Variants in PRR5 observed in about 807,000 individuals in gnomAD.
The protein encoded by PRR5 is proline-rich protein 5.
PRR5 carries 25 observed loss-of-function variants against 30.6 expected under a neutral mutation model. That is an observed-to-expected ratio of 0.82 (90% CI 0.60 to 1.14). The LOEUF (loss-of-function observed/expected upper bound fraction) is 1.14, where lower values mean the gene tolerates loss of function less well. Among genes scored for constraint, PRR5 ranks in the 50% most tolerant of loss-of-function variants. The probability of loss-of-function intolerance (pLI) is 0.00; values close to 1 mark genes in which losing one functional copy is unlikely to be tolerated. For synonymous variants in PRR5, 286 were observed against 247.1 expected (o/e 1.16, Z -1.48); for missense variants, 600 against 547.1 (o/e 1.10, Z -0.96).
upstream of PRR5, among the ~76,000 whole-genome samples, chr22:44,701,216 C>A (rs80037265): frequency 0.014 from 2,165 of 152,306 alleles, 22 homozygotes; most frequent in East Asian, 0.041. Flanking sequence ...GCTCCTGGAG[C>A]TGTGGCTGTC....
upstream of PRR5, among the ~76,000 whole-genome samples, chr22:44,674,945 C>CAAAAAA (rs136918): frequency 1.4e-5 from 2 of 140,346 alleles, no homozygotes; most frequent in Admixed American, 1.4e-4. Context: ...GACGCTGTCT[C>CAAAAAA]AAAAAAAAAA....
At chr22:44,680,321 T>C (rs1327637942) in intron 1 of PRR5, among the ~76,000 whole-genome samples, 2 of 152,070 alleles carry the variant, frequency 1.3e-5, no homozygotes, top group Non-Finnish European at 1.5e-5. Context: ...TGAGGATGTA[T>C]AGAAAATGCT....
At chr22:44,719,271 T>C (rs571469806) in intron 2 of PRR5, among the ~76,000 whole-genome samples, 1 of 151,996 alleles carries the variant, frequency 6.6e-6, no homozygotes, top group South Asian at 2.1e-4. Flanking sequence ...TTTGTAGAGA[T>C]GAGGTCTTGC....
upstream of PRR5, among the ~76,000 whole-genome samples, chr22:44,700,169 A>G (rs1200406925): frequency 9.9e-5 from 15 of 152,018 alleles, no homozygotes; most frequent in Non-Finnish European, 1.6e-4. Context: ...AATTTTTTAA[A>G]AATTAGCCAG....
chr22:44,737,424 C>T lies in PRR5; in HGVS notation c.*177C>T, dbSNP rs1363218644. On this transcript the variant is annotated 3_prime_UTR_variant, in exon 8 of 8. Coordinates refer to ENST00000336985, the MANE Select transcript of PRR5 (RefSeq NM_181333.4). ...TTGGTTGGAAATACCATCAGCCTTC[C>T]TTGCTCGGCCCAGGTCTGTTTCAGG... 20 of 1,302,818 alleles carry T rather than the reference C, an allele frequency of 1.5e-5. No individual in the cohort carries two copies. Among genetic ancestry groups the T allele is most frequent in the Non-Finnish European group, 1.3e-5 (13 of 984,164 alleles). 80.7% of individuals were successfully genotyped at this position (1,302,818 alleles called of 1,614,324 possible).
At chr22:44,729,455 T>C in intron 4 of PRR5, 1 of 985,400 alleles carries the variant, frequency 1.0e-6, no homozygotes. Context: ...CCCCTGCTAC[T>C]GCCAGGCTGG....
chr22:44,687,867 C>T (rs865964695), intron 1 of PRR5, among the ~76,000 whole-genome samples: 1 of 152,016 alleles, frequency 6.6e-6, no homozygotes, highest in African/African-American at 2.4e-5. Context: ...CTCCGCCTCC[C>T]GGGTTCAAGC....
At position 44,691,546 on chromosome 22, in the gene PRR5, G is replaced by A. The variant is rs2146968924; in HGVS notation, c.-10-10946G>A. Among the ~76,000 whole-genome samples, 1 of 152,270 alleles carries A rather than the reference G, an allele frequency of 6.6e-6. No individual in the cohort carries two copies. The highest frequency in any genetic ancestry group is 2.1e-4 in the South Asian group (1 of 4,826). ...CCGAGCAGTTTGGGAGGCCGAGGCG[G>A]GTAGATCACCTGAGGTCAGGAGTTC... On this transcript the variant is annotated intron_variant, in intron 1 of 8. Transcript: ENST00000006251. The surrounding 1 kb of genome is among the most constrained non-coding windows in gnomAD (Gnocchi z 4.4).
intron 1 of PRR5, among the ~76,000 whole-genome samples, chr22:44,694,846 G>A (rs912502802): frequency 2.6e-5 from 4 of 152,158 alleles, no homozygotes. Context: ...ACTAAAGCTT[G>A]ACAGGGAAGG....
intron 2 of PRR5, among the ~76,000 whole-genome samples, chr22:44,720,933 C>T (rs939661880): frequency 6.6e-5 from 10 of 152,076 alleles, no homozygotes; most frequent in Admixed American, 3.9e-4. Flanking sequence ...AGGGCCTCTC[C>T]GGGATTTCCA....
At position 44,716,354 on chromosome 22, in the gene PRR5, G is replaced by A. The variant is rs1929048381; in HGVS notation, c.215+1683G>A. On this transcript the variant is annotated intron_variant, in intron 2 of 7. Coordinates refer to ENST00000336985, the MANE Select transcript of PRR5 (RefSeq NM_181333.4). ...AGCAGGGTCTTTTTACTGAAGCCTT[G>A]CTCTGTGCCAGCCTTAGACCAGGAG... Among the ~76,000 whole-genome samples the A allele has an allele frequency of 2.6e-5, 4 of 152,332 alleles. No homozygotes were observed. The South Asian group carries it at 8.3e-4, about 32-fold the overall frequency.
intron 6 of PRR5, among the ~76,000 whole-genome samples, chr22:44,732,603 G>A (rs1922232559): frequency 6.6e-6 from 1 of 152,160 alleles, no homozygotes; most frequent in Non-Finnish European, 1.5e-5. Flanking sequence ...CGTTCCTCTT[G>A]GGCACAGGGC....
intron 6 of PRR5, among the ~76,000 whole-genome samples, chr22:44,733,624 C>T (rs1922642230): frequency 6.6e-6 from 1 of 152,118 alleles, no homozygotes; most frequent in African/African-American, 2.4e-5. Context: ...CTTCAGCTTC[C>T]CGGTCTTTAA....
upstream of PRR5, chr22:44,702,123 CGCGATGCCCCCG>C: frequency 1.6e-5 from 4 of 245,514 alleles, no homozygotes; most frequent in Non-Finnish European, 2.0e-5. Context: ...CCGCCCCGCC[CGCGATGCCCCCG>C]CCCCCTTCCC....
chr22:44,684,430 C>G (rs1924565075), intron 1 of PRR5, among the ~76,000 whole-genome samples: 1 of 152,174 alleles, frequency 6.6e-6, no homozygotes, highest in Admixed American at 6.6e-5. Flanking sequence ...CTGAGTAGTT[C>G]CAGCTACTCA....
intron 6 of PRR5, among the ~76,000 whole-genome samples, chr22:44,732,886 A>G (rs1013441692): frequency 7.0e-5 from 10 of 143,414 alleles, no homozygotes; most frequent in Admixed American, 2.1e-4. Flanking sequence ...GCACACACAC[A>G]CCACACACGT....
chr22:44,702,147 GCC>G (rs1926383140), upstream of PRR5: 4 of 210,702 alleles, frequency 1.9e-5, no homozygotes, highest in Non-Finnish European at 3.3e-5. Context: ...CCCCTTCCCC[GCC>G]CCGCCCCCCG....
chr22:44,679,764 G>A (rs755996539), intron 1 of PRR5: 2 of 1,547,742 alleles, frequency 1.3e-6, no homozygotes, highest in Admixed American at 1.9e-5. Context: ...GGGACACTCA[G>A]TCTGATGGGG....
upstream of PRR5, among the ~76,000 whole-genome samples, chr22:44,698,560 A>G (rs1601979358): frequency 6.6e-6 from 1 of 152,250 alleles, no homozygotes; most frequent in Admixed American, 6.5e-5. Flanking sequence ...TGGGTCCCCC[A>G]GCCCCCTCCT....
Sources: allele counts gnomAD v4.1 joint callset (sites outside exome capture counted in the v4.1 genomes callset), GRCh38; gene constraint gnomAD v4.1.1; non-coding constraint Gnocchi (gnomAD v3.1); transcripts MANE v1.5; gene names NCBI Gene and HGNC (gene_info 2026-07-23, HGNC 2026-07-21).